RYR2: variants seen among roughly 807,000 people sequenced by gnomAD.
The protein encoded by RYR2 is cardiac muscle ryanodine receptor-calcium release channel.
In RYR2, 227 loss-of-function variants were observed where a neutral mutation model predicts 601.1. That is an observed-to-expected ratio of 0.38 (90% CI 0.34 to 0.42). The LOEUF (loss-of-function observed/expected upper bound fraction) is 0.42, where lower values mean the gene tolerates loss of function less well. Ranked by LOEUF, RYR2 falls within the 10% of genes least tolerant of loss-of-function variation. The pLI, the probability that RYR2 is intolerant of heterozygous loss-of-function variation, is 1.00. For missense variants in RYR2, 4,646 were observed against 6,156.5 expected (o/e 0.75, Z 8.21); for synonymous variants, 2,223 against 2,175.1 (o/e 1.02, Z -0.61).
chr1:237,254,928 G>C (rs1005739756), intron 1 of RYR2, among the ~76,000 whole-genome samples: 1 of 152,086 alleles, frequency 6.6e-6, no homozygotes, highest in Non-Finnish European at 1.5e-5. Context: ...AATTCTGCAT[G>C]TCTCAATGTT....
At chr1:237,385,311 G>A (rs1457308635) in intron 8 of RYR2, among the ~76,000 whole-genome samples, 2 of 152,066 alleles carry the variant, frequency 1.3e-5, no homozygotes, top group Non-Finnish European at 2.9e-5. Context: ...ACAAAATGCT[G>A]TACCTCAGTA....
At chr1:237,408,793 G>A (rs1704159344) in intron 10 of RYR2, among the ~76,000 whole-genome samples, 1 of 152,094 alleles carries the variant, frequency 6.6e-6, no homozygotes, top group South Asian at 2.1e-4. Flanking sequence ...GAAATATTGA[G>A]TCTTCCTATC....
At chr1:237,506,883 CT>C in intron 23 of RYR2, 69 bp downstream of exon 23, 3 of 1,268,030 alleles carry the variant, frequency 2.4e-6, no homozygotes, top group Non-Finnish European at 3.4e-6. Flanking sequence ...CTTTTTCTGC[CT>C]TTTCCCGCTA....
chr1:237,543,008 TTTATC>T (rs1010708240), intron 25 of RYR2, among the ~76,000 whole-genome samples: 1 of 152,200 alleles, frequency 6.6e-6, no homozygotes, highest in African/African-American at 2.4e-5. Flanking sequence ...CCCTGGGTTC[TTTATC>T]TGTTCTTTTC....
At position 237,159,994 on chromosome 1, in the gene RYR2, A is replaced by G. The variant is rs145865951; in HGVS notation, c.49-110503A>G. Among the ~76,000 whole-genome samples the G allele has an allele frequency of 1.8e-3, 275 of 152,302 alleles. 2 individuals carry two copies. Among genetic ancestry groups the G allele is most frequent in the African/African-American group, 6.5e-3 (269 of 41,568 alleles). ...TCTTGTTTTTCCCTCCAATTTGAAT[A>G]TCTGAGATTAGGGACCATGCTTTAC... is the stretch of plus-strand genomic sequence containing the variant. On this transcript the variant is annotated intron_variant, in intron 1 of 104. Coordinates refer to ENST00000366574, the MANE Select transcript of RYR2 (RefSeq NM_001035.3).
At chr1:237,449,040 G>A (rs943206139) in intron 14 of RYR2, among the ~76,000 whole-genome samples, 12 of 152,116 alleles carry the variant, frequency 7.9e-5, no homozygotes, top group Non-Finnish European at 1.2e-4. Context: ...CCTAGTAATA[G>A]GATAAAGAGG....
intron 84 of RYR2, among the ~76,000 whole-genome samples, chr1:237,765,112 TTTTATA>T (rs1249504721): frequency 2.0e-5 from 3 of 152,060 alleles, no homozygotes; most frequent in African/African-American, 7.2e-5. Flanking sequence ...GTGCTGTATA[TTTTATA>T]TTTATATGTG....
chr1:237,352,508 T>C (rs1227253708), intron 3 of RYR2, among the ~76,000 whole-genome samples: 1 of 152,100 alleles, frequency 6.6e-6, no homozygotes. Context: ...ATTACAAAGA[T>C]GACAGTTCTC....
intron 1 of RYR2, among the ~76,000 whole-genome samples, chr1:237,225,061 C>T (rs184753470): frequency 6.6e-6 from 1 of 152,224 alleles, no homozygotes; most frequent in Admixed American, 6.5e-5. Context: ...GGTTTGTTTT[C>T]TGTTGCATAA....
At chr1:237,701,769 C>G (rs919012603) in intron 65 of RYR2, among the ~76,000 whole-genome samples, 1 of 151,866 alleles carries the variant, frequency 6.6e-6, no homozygotes, top group Admixed American at 6.6e-5. Flanking sequence ...TAAGTGAGGA[C>G]ATGTGATATT....
At chr1:237,381,901 A>G (rs1701550429) in intron 8 of RYR2, among the ~76,000 whole-genome samples, 1 of 152,234 alleles carries the variant, frequency 6.6e-6, no homozygotes, top group Non-Finnish European at 1.5e-5. Context: ...AAAATATCCA[A>G]AAGGAAAGAA....
At chr1:237,494,928 T>C (rs1273913734) in intron 19 of RYR2, among the ~76,000 whole-genome samples, 3 of 151,922 alleles carry the variant, frequency 2.0e-5, no homozygotes, top group Admixed American at 6.6e-5. Flanking sequence ...GTAGCTGGGA[T>C]TACAGGTGCA....
At chr1:237,139,725 T>A (rs1673175685) in intron 1 of RYR2, among the ~76,000 whole-genome samples, 1 of 152,218 alleles carries the variant, frequency 6.6e-6, no homozygotes. Flanking sequence ...TACTGCCTAA[T>A]GACTGTCTTC....
chr1:237,146,169 T>C (rs1013915895), intron 1 of RYR2, among the ~76,000 whole-genome samples: 1 of 152,222 alleles, frequency 6.6e-6, no homozygotes, highest in Non-Finnish European at 1.5e-5. Flanking sequence ...GCCAGCTCTT[T>C]AGAAGGGGTG....
At chr1:237,127,345 T>A (rs1274572642) in intron 1 of RYR2, among the ~76,000 whole-genome samples, 3 of 149,620 alleles carry the variant, frequency 2.0e-5, no homozygotes, top group South Asian at 2.1e-4. Flanking sequence ...GGCTCCTCAC[T>A]TCCCAGTAGG....
chr1:237,601,816 C>A (rs1041433919), intron 34 of RYR2, among the ~76,000 whole-genome samples: 5 of 152,074 alleles, frequency 3.3e-5, no homozygotes, highest in African/African-American at 1.2e-4. Context: ...ATGCCTTAAG[C>A]CCTTCAGAGT....
chr1:237,740,774 C>A (rs1691540655), intron 79 of RYR2, among the ~76,000 whole-genome samples: 1 of 152,104 alleles, frequency 6.6e-6, no homozygotes, highest in Non-Finnish European at 1.5e-5. Flanking sequence ...ATTCTTTTTA[C>A]TCCTATTTAC....
intron 79 of RYR2, among the ~76,000 whole-genome samples, chr1:237,735,050 A>C (rs1691020920): frequency 6.6e-6 from 1 of 152,196 alleles, no homozygotes; most frequent in South Asian, 2.1e-4. Context: ...GAGAACCTTA[A>C]GTGTGAGCTA....
At chr1:237,683,315 A>T (rs909085101) in intron 62 of RYR2, among the ~76,000 whole-genome samples, 1 of 152,220 alleles carries the variant, frequency 6.6e-6, no homozygotes, top group East Asian at 1.9e-4. Context: ...TGGCACAAGA[A>T]ATTATTATAT....
Sources: allele counts gnomAD v4.1 joint callset (sites outside exome capture counted in the v4.1 genomes callset), GRCh38; gene constraint gnomAD v4.1.1; transcripts MANE v1.5; gene names NCBI Gene and HGNC (gene_info 2026-07-23, HGNC 2026-07-21).